The following SOS1 variants were observed in gnomAD, a reference collection of about 807,000 sequenced individuals.
SOS1 encodes the protein SOS Ras/Rac guanine nucleotide exchange factor 1, also known as son of sevenless homolog 1.
In SOS1, 25 loss-of-function variants were observed where a neutral mutation model predicts 157.6. The ratio of observed to expected loss-of-function variants is 0.16; its 90% CI spans 0.12 to 0.22. The LOEUF is 0.22. Ranked by LOEUF, SOS1 falls within the 10% of genes least tolerant of loss-of-function variation. SOS1 has a pLI of 1.00. For missense variants in SOS1, 1,237 were observed against 1,599.1 expected, an observed-to-expected ratio of 0.77 and a Z score of 3.86; for synonymous variants, 528 against 534.0, an observed-to-expected ratio of 0.99 and a Z score of 0.16.
chr2:39,013,336 A>T, intron 13 of SOS1, 124 bp downstream of exon 13: 1 of 706,324 alleles, frequency 1.4e-6, no homozygotes, highest in Non-Finnish European at 2.5e-6. Flanking sequence ...TAACTTTTTG[A>T]AATGGTTATG....
chr2:39,119,187 G>A (rs1290214685), intron 1 of SOS1, among the ~76,000 whole-genome samples: 1 of 152,120 alleles, frequency 6.6e-6, no homozygotes, highest in African/African-American at 2.4e-5. Context: ...AAGATATATG[G>A]CATCTTTTCT....
At chr2:38,997,062 T>G (rs771529697) in intron 18 of SOS1, 24 bp from the exon 19 acceptor site, 1 of 1,229,760 alleles carries the variant, frequency 8.1e-7, no homozygotes, top group Non-Finnish European at 1.2e-6. Context: ...AAAGAAAAAA[T>G]TATTAATATT....
intron 19 of SOS1, 71 bp from the exon 20 acceptor site, chr2:38,995,458 C>A (rs114702623): frequency 5.7e-6 from 7 of 1,238,556 alleles, no homozygotes; most frequent in Non-Finnish European, 7.1e-6. Context: ...CTATATGTGC[C>A]TGGTAAAATT....
chr2:39,000,525 G>A (rs1395053821), intron 17 of SOS1, among the ~76,000 whole-genome samples: 1 of 152,018 alleles, frequency 6.6e-6, no homozygotes, highest in African/African-American at 2.4e-5. Context: ...AGCTCTTCTA[G>A]GGAAAGAGAA....
rs1572792445 is a variant in SOS1, at chr2:38,981,682, G to C, written c.*4142C>G. The C allele has an allele frequency of 6.6e-6, 1 of 152,120 alleles. No homozygotes were observed. The highest frequency in any genetic ancestry group is 1.5e-5 in the Non-Finnish European group (1 of 67,996). 9.4% of individuals were successfully genotyped at this position (152,120 alleles called of 1,614,324 possible). ...CACACAGAGTACAAAGATTACCTAT[G>C]AACATGGTTAGGTACAAAGGCCATA... On this transcript the variant is annotated 3_prime_UTR_variant, in exon 23 of 23. Transcript: ENST00000402219.
At chr2:39,119,678 T>C (rs1199114976) in intron 1 of SOS1, among the ~76,000 whole-genome samples, 3 of 152,244 alleles carry the variant, frequency 2.0e-5, no homozygotes, top group African/African-American at 4.8e-5. Context: ...GGTAACAATG[T>C]AGCAAACTTA....
chr2:39,074,977 C>A (rs1032963914), intron 1 of SOS1, among the ~76,000 whole-genome samples: 2 of 151,408 alleles, frequency 1.3e-5, no homozygotes, highest in Non-Finnish European at 2.9e-5. Flanking sequence ...GACTGGAAGG[C>A]GCAGGTTGTA....
intron 1 of SOS1, among the ~76,000 whole-genome samples, chr2:39,100,787 T>C (rs752634991): frequency 6.6e-6 from 1 of 151,996 alleles, no homozygotes; most frequent in Non-Finnish European, 1.5e-5. Context: ...GGTGTGGTGG[T>C]ACACACCTTT....
Position 39,093,900 on chromosome 2 carries a change from C to T in SOS1, c.88-26147G>A, listed in dbSNP as rs141072653. ...CATGTTGCAATTAACCTAAAAGAAA[C>T]TACCACTTGTGGGGTTTGACATTAA... On this transcript the variant is annotated intron_variant, in intron 1 of 22. Coordinates refer to ENST00000402219, the MANE Select transcript of SOS1 (RefSeq NM_005633.4). 6.7e-3 allele frequency among the ~76,000 whole-genome samples: 1,024 copies of T among 152,314 alleles called. 12 individuals are homozygous for T. The highest frequency in any genetic ancestry group is 0.026 in the Admixed American group (393 of 15,298).
chr2:39,028,535 C>T (rs7599990), intron 8 of SOS1, among the ~76,000 whole-genome samples: 15,278 of 152,062 alleles, frequency 0.1, 2,574 homozygotes, highest in African/African-American at 0.34. Flanking sequence ...TTGTATACAA[C>T]GAAGGAACTA....
chr2:38,998,031 A>T (rs1476404420), intron 17 of SOS1, among the ~76,000 whole-genome samples: 9 of 152,252 alleles, frequency 5.9e-5, no homozygotes, highest in African/African-American at 1.7e-4. Context: ...AGCCTGTCAA[A>T]TGTGGGACTG....
chr2:39,086,430 G>C (rs1332258111), intron 1 of SOS1, among the ~76,000 whole-genome samples: 2 of 152,138 alleles, frequency 1.3e-5, no homozygotes, highest in Non-Finnish European at 2.9e-5. Flanking sequence ...GAGATCAAGA[G>C]TTCTGGACTC....
intron 10 of SOS1, among the ~76,000 whole-genome samples, chr2:39,015,886 A>G (rs1669616202): frequency 8.7e-6 from 1 of 115,440 alleles, no homozygotes; most frequent in Middle Eastern, 6.4e-3. Flanking sequence ...TCCTATTTGT[A>G]TTAGGGACTG....
At chr2:39,075,985 T>C (rs1382828362) in intron 1 of SOS1, among the ~76,000 whole-genome samples, 1 of 152,236 alleles carries the variant, frequency 6.6e-6, no homozygotes, top group Non-Finnish European at 1.5e-5. Flanking sequence ...AATGTAATTT[T>C]ACCTTTCCAG....
rs752423932 is a variant in SOS1, at chr2:39,023,136, C to A, written c.1292G>T (p.Gly431Val). 1.2e-6 allele frequency: 2 copies of A among 1,613,228 alleles called. No homozygotes were observed. Among genetic ancestry groups the A allele is most frequent in the South Asian group, 1.1e-5 (1 of 90,988 alleles). ...CTGTCCAATGTCTTTTCCCTCCCAA[C>A]CATCAATATTCTTCTGAATCTCGTT... is the stretch of plus-strand genomic sequence containing the variant. Reference protein sequence around the residue: ...KMNEIQKNIDGWEGKDIGQCC... With the variant: ...KMNEIQKNIDVWEGKDIGQCC... Residue 431 changes from glycine (G) to valine (V), a missense_variant, in exon 10 of 23, where the codon GGT (glycine) becomes GTT (valine). Around this residue, in one of 15 missense-constraint regions of SOS1, gnomAD observed 210 missense variants for 220.2 expected, o/e 0.95. Coordinates refer to ENST00000402219, the MANE Select transcript of SOS1 (RefSeq NM_005633.4).
chr2:39,068,460 C>T (rs1671667056), intron 1 of SOS1, among the ~76,000 whole-genome samples: 1 of 152,136 alleles, frequency 6.6e-6, no homozygotes, highest in Non-Finnish European at 1.5e-5. Flanking sequence ...TTAACTTTAC[C>T]ATTCCTAATA....
At position 39,103,744 on chromosome 2, in the gene SOS1, T is replaced by G. The variant is rs190532338; in HGVS notation, c.87+16592A>C. On this transcript the variant is annotated intron_variant, in intron 1 of 22. Coordinates refer to ENST00000402219, the MANE Select transcript of SOS1 (RefSeq NM_005633.4). ...GACCTTGGATTTGGCAATGAATTCTTAAGATCTGACACAAAAAGCACAAGA... is the reference window on the plus strand; with the variant it reads ...GACCTTGGATTTGGCAATGAATTCTGAAGATCTGACACAAAAAGCACAAGA... 1.4e-3 allele frequency among the ~76,000 whole-genome samples: 210 copies of G among 152,332 alleles called. 1 individual carries two copies. The highest frequency in any genetic ancestry group is 4.6e-3 in the African/African-American group (192 of 41,566).
intron 6 of SOS1, among the ~76,000 whole-genome samples, chr2:39,044,873 C>CACACAA (rs1296282773): frequency 1.1e-4 from 16 of 151,914 alleles, no homozygotes; most frequent in African/African-American, 3.9e-4. Context: ...CGCACACACA[C>CACACAA]ACACACACTC....
chr2:39,034,657 T>G (rs1380274952), intron 8 of SOS1, among the ~76,000 whole-genome samples: 1 of 152,180 alleles, frequency 6.6e-6, no homozygotes, highest in African/African-American at 2.4e-5. Flanking sequence ...TTTTGAACTG[T>G]GATCAAATGG....
Sources: allele counts gnomAD v4.1 joint callset (sites outside exome capture counted in the v4.1 genomes callset), GRCh38; gene constraint gnomAD v4.1.1; regional missense constraint gnomAD v4.1.1; transcripts MANE v1.5; gene names NCBI Gene and HGNC (gene_info 2026-07-23, HGNC 2026-07-21).